The following EPHB1 variants were observed in gnomAD, a reference collection of about 807,000 sequenced individuals.
EPHB1 encodes ephrin type-B receptor 1.
A neutral mutation model predicts 94.4 loss-of-function variants in EPHB1; 30 were observed. The ratio of observed to expected loss-of-function variants is 0.32; its 90% confidence interval spans 0.24 to 0.43. The LOEUF (loss-of-function observed/expected upper bound fraction) is 0.43. Among genes scored for constraint, EPHB1 ranks in the 20% least tolerant of loss-of-function variants. The probability of loss-of-function intolerance (pLI) is 1.00; values close to 1 mark genes in which losing one functional copy is unlikely to be tolerated. For synonymous variants in EPHB1, 522 were observed against 489.1 expected, an observed-to-expected ratio of 1.07 and a Z score of -0.89; for missense variants, 1,055 against 1,308.3, an observed-to-expected ratio of 0.81 and a Z score of 2.99.
At chr3:134,839,228 C>T (rs748993306) in intron 1 of EPHB1, among the ~76,000 whole-genome samples, 11 of 152,178 alleles carry the variant, frequency 7.2e-5, no homozygotes, top group Admixed American at 2.6e-4. Flanking sequence ...TCACTGCCTC[C>T]TAATTCTGCA....
chr3:135,172,551 G>T (rs536063482), intron 9 of EPHB1, among the ~76,000 whole-genome samples: 88 of 152,320 alleles, frequency 5.8e-4, no homozygotes, highest in South Asian at 1.9e-3. Context: ...CCAGTTTCTG[G>T]ATTCTGGGTG....
chr3:134,909,458 G>A (rs1017175831), intron 1 of EPHB1, among the ~76,000 whole-genome samples: 2 of 152,238 alleles, frequency 1.3e-5, no homozygotes, highest in South Asian at 2.1e-4. Flanking sequence ...CCATGCCTCC[G>A]AAGCTTTTCA....
chr3:135,211,070 G>T (rs1159061434), intron 12 of EPHB1, among the ~76,000 whole-genome samples: 1 of 152,034 alleles, frequency 6.6e-6, no homozygotes, highest in Admixed American at 6.5e-5. Flanking sequence ...TTTTTTCATA[G>T]TTACTCTAGA....
intron 3 of EPHB1, among the ~76,000 whole-genome samples, chr3:135,098,070 C>T (rs898990305): frequency 6.6e-6 from 1 of 152,198 alleles, no homozygotes; most frequent in Non-Finnish European, 1.5e-5. Context: ...CTAAAGACCT[C>T]TGTCACAGAG....
chr3:135,075,429 C>A (rs1408077508), intron 3 of EPHB1, among the ~76,000 whole-genome samples: 1 of 152,158 alleles, frequency 6.6e-6, no homozygotes, highest in Admixed American at 6.5e-5. Flanking sequence ...TTACAGGGCC[C>A]CCATTTCCCC....
intron 12 of EPHB1, among the ~76,000 whole-genome samples, chr3:135,222,120 T>G (rs796445688): frequency 5.3e-5 from 8 of 151,230 alleles, no homozygotes; most frequent in African/African-American, 1.9e-4. Flanking sequence ...CATATTATTG[T>G]AGTAACCTAA....
chr3:135,234,714 C>T (rs1943608313), intron 12 of EPHB1, among the ~76,000 whole-genome samples: 1 of 152,164 alleles, frequency 6.6e-6, no homozygotes, highest in South Asian at 2.1e-4. Flanking sequence ...ACTTGTCCTT[C>T]TTCACGTGGT....
chr3:134,855,102 C>G (rs1489950362), intron 1 of EPHB1, among the ~76,000 whole-genome samples: 1 of 152,078 alleles, frequency 6.6e-6, no homozygotes, highest in African/African-American at 2.4e-5. Flanking sequence ...TTTAGCAACT[C>G]TTTAAAATTT....
intron 4 of EPHB1, among the ~76,000 whole-genome samples, chr3:135,123,723 A>G (rs1032264010): frequency 4.6e-5 from 7 of 151,958 alleles, no homozygotes; most frequent in Non-Finnish European, 1.0e-4. Flanking sequence ...ATAATGCCTC[A>G]TAGAATTTTG....
chr3:135,173,313 C>G (rs529613548), intron 9 of EPHB1, among the ~76,000 whole-genome samples: 1 of 152,166 alleles, frequency 6.6e-6, no homozygotes, highest in Admixed American at 6.5e-5. Flanking sequence ...GGATTACAGG[C>G]GTGAGCCACC....
intron 2 of EPHB1, among the ~76,000 whole-genome samples, chr3:134,949,203 A>C (rs1170402122): frequency 6.6e-6 from 1 of 152,102 alleles, no homozygotes; most frequent in Non-Finnish European, 1.5e-5. Context: ...TACTGGCAGG[A>C]GCTGATCTGT....
At chr3:135,005,904 G>C (rs1231555072) in intron 3 of EPHB1, among the ~76,000 whole-genome samples, 1 of 152,224 alleles carries the variant, frequency 6.6e-6, no homozygotes, top group Non-Finnish European at 1.5e-5. Context: ...TGGAAATGCA[G>C]AAATCACCTG....
intron 3 of EPHB1, among the ~76,000 whole-genome samples, chr3:134,954,830 G>A (rs146071030): frequency 0.015 from 2,247 of 152,242 alleles, 25 homozygotes; most frequent in Middle Eastern, 0.065. Context: ...TGTCAAAGTC[G>A]TGGTGACCAG....
At chr3:134,963,138 C>A (rs755806169) in intron 3 of EPHB1, among the ~76,000 whole-genome samples, 1 of 48,004 alleles carries the variant, frequency 2.1e-5, no homozygotes, top group Non-Finnish European at 3.8e-5. Context: ...TCTCTTGCTC[C>A]TTCCTTCCTT....
chr3:134,797,546 A>C (rs1560237494), intron 1 of EPHB1, among the ~76,000 whole-genome samples: 1 of 152,102 alleles, frequency 6.6e-6, no homozygotes, highest in Non-Finnish European at 1.5e-5. Context: ...TGCTCTCGGC[A>C]TTGGGTTCCT....
chr3:135,083,294 AGAG>A (rs1201007886), intron 3 of EPHB1, among the ~76,000 whole-genome samples: 1 of 152,066 alleles, frequency 6.6e-6, no homozygotes, highest in Non-Finnish European at 1.5e-5. Context: ...GCAGGTGTAC[AGAG>A]GAGAAAGCAG....
At chr3:135,173,766 C>T (rs1251710292) in intron 9 of EPHB1, among the ~76,000 whole-genome samples, 5 of 152,356 alleles carry the variant, frequency 3.3e-5, no homozygotes, top group East Asian at 1.9e-4. Context: ...GTCTTCAGTC[C>T]GAGTTTTCTG....
intron 1 of EPHB1, among the ~76,000 whole-genome samples, chr3:134,834,998 A>G (rs2036646982): frequency 6.6e-6 from 1 of 152,202 alleles, no homozygotes; most frequent in African/African-American, 2.4e-5. Context: ...CTACTTCCTC[A>G]GTCAAGTGAA....
rs1940476555 is a variant in EPHB1, at chr3:135,133,035, C to T, written c.1283C>T (p.Thr428Ile). The T allele has an allele frequency of 3.1e-6, 5 of 1,591,038 alleles. No homozygotes were observed. The highest frequency in any genetic ancestry group is 1.7e-5 in the Admixed American group (1 of 59,206). The change falls in exon 5 of 16, where the codon ACC (threonine) becomes ATC (isoleucine). Residue 428 changes from threonine to isoleucine, a missense_variant. Physicochemically the swap from Thr to Ile is moderately conservative, Grantham distance 89. Transcript: ENST00000398015. ...CCACAGCACGTCTCTGTCAACATCA[C>T]CACAAACCAAGCCGGTAAGTCTGGA... ...FPPQHVSVNI[T>I]TNQAAPSTVP...
Sources: gnomAD v4.1 joint callset for allele counts (sites outside exome capture counted in the v4.1 genomes callset) on GRCh38, gnomAD v4.1.1 for gene constraint, MANE v1.5 for transcripts, NCBI Gene and HGNC (gene_info 2026-07-23, HGNC 2026-07-21) for gene names.